Variants in MNS1 observed in about 807,000 individuals in gnomAD.
The protein encoded by MNS1 is meiosis-specific nuclear structural protein 1.
MNS1 carries 63 observed loss-of-function variants against 72.0 expected under a neutral mutation model. The observed-to-expected ratio is 0.87, with a 90% CI of 0.71 to 1.08. MNS1 has a LOEUF of 1.08. Ranked by LOEUF, MNS1 falls within the 50% of genes least tolerant of loss-of-function variation. The pLI, the probability that MNS1 is intolerant of heterozygous loss-of-function variation, is 0.00. For synonymous variants in MNS1, 188 were observed against 172.1 expected (o/e 1.09, Z -0.72); for missense variants, 604 against 562.4 (o/e 1.07, Z -0.75).
chr15:56,429,202 A>G lies in MNS1; in HGVS notation c.1396-9T>C. On this transcript the variant is annotated splice_polypyrimidine_tract_variant and intron_variant, in intron 9 of 9. Coordinates refer to ENST00000260453, the MANE Select transcript of MNS1 (RefSeq NM_018365.4). The stretch of plus-strand genomic sequence containing the variant: ...TCTTTTTTAAATACTCCCTACGAGA[A>G]AAATACTTTGTGGGTTACTTTTGAA... 6.4e-7 allele frequency: 1 copy of G among 1,565,270 alleles called. No homozygotes were observed. The highest frequency in any genetic ancestry group is 8.7e-7 in the Non-Finnish European group (1 of 1,149,628).
intron 8 of MNS1, among the ~76,000 whole-genome samples, chr15:56,433,685 CAAAGT>C (rs2050663140): frequency 6.6e-6 from 1 of 152,114 alleles, no homozygotes; most frequent in African/African-American, 2.4e-5. Context: ...AATCGTCTTT[CAAAGT>C]ACAGATCTTA....
At chr15:56,454,015 C>T (rs2050964466) in intron 3 of MNS1, among the ~76,000 whole-genome samples, 1 of 152,084 alleles carries the variant, frequency 6.6e-6, no homozygotes, top group Non-Finnish European at 1.5e-5. Flanking sequence ...TCCATTTCTG[C>T]ATGACAGTGA....
rs1455442200 is a variant in MNS1 at position 56,431,377 on chromosome 15, G to A, written c.1391C>T (p.Pro464Leu). The change falls in exon 9 of 10, where the codon CCT becomes CTT. Residue 464 changes from proline (P) to leucine (L), a missense_variant. Transcript: ENST00000260453. ...EHATNLLGYL[P>L]KGVFKKEDDI... ...CTTGAGATAAATCTCACTTACTTTAGGGAGATAGCCTAGTAAGTTTGTAGC... is the reference window on the plus strand; with the variant it reads ...CTTGAGATAAATCTCACTTACTTTAAGGAGATAGCCTAGTAAGTTTGTAGC... 2 of 1,610,732 alleles carry A rather than the reference G, an allele frequency of 1.2e-6. No homozygotes were observed. The highest frequency in any genetic ancestry group is 4.5e-5 in the East Asian group (2 of 44,776).
intron 7 of MNS1, among the ~76,000 whole-genome samples, chr15:56,440,680 GGAAATTATGCT>G (rs1181355427): frequency 6.6e-6 from 1 of 151,996 alleles, no homozygotes; most frequent in Admixed American, 6.6e-5. Flanking sequence ...TGAATTTCCA[GGAAATTATGCT>G]GAATAAAAAA....
intron 3 of MNS1, among the ~76,000 whole-genome samples, chr15:56,456,037 A>G (rs1224591450): frequency 6.6e-6 from 1 of 152,164 alleles, no homozygotes; most frequent in Non-Finnish European, 1.5e-5. Context: ...CTCCACAGTC[A>G]TTCCAGAAAT....
intron 7 of MNS1, among the ~76,000 whole-genome samples, chr15:56,442,458 A>G (rs1567150579): frequency 6.6e-6 from 1 of 152,208 alleles, no homozygotes; most frequent in Admixed American, 6.5e-5. Flanking sequence ...TAGCAGCACT[A>G]TTCACAATGG....
At chr15:56,445,577 GCTATA>G (rs1347133916) in intron 4 of MNS1, 1 of 151,870 alleles carries the variant, frequency 6.6e-6, no homozygotes, top group African/African-American at 2.4e-5. Flanking sequence ...CTTTGTACAT[GCTATA>G]CTAAATTCTT....
intron 9 of MNS1, chr15:56,429,649 G>A (rs568643449): frequency 6.6e-6 from 1 of 152,588 alleles, no homozygotes; most frequent in Non-Finnish European, 1.5e-5. Flanking sequence ...CAGGTTTGGA[G>A]TTAAGCCATT....
At chr15:56,447,104 C>T in intron 3 of MNS1, 161 bp from the exon 4 acceptor site, 1 of 563,212 alleles carries the variant, frequency 1.8e-6, no homozygotes, top group Admixed American at 3.1e-5. Flanking sequence ...TTAATGGATG[C>T]CTTTAGGGCA....
chr15:56,447,073 A>G, intron 3 of MNS1, 130 bp from the exon 4 acceptor site: 1 of 633,374 alleles, frequency 1.6e-6, no homozygotes, highest in East Asian at 2.8e-5. Flanking sequence ...TTAGATCCAT[A>G]GGAGAAATAA....
chr15:56,430,439 C>G (rs2050555998), intron 9 of MNS1, among the ~76,000 whole-genome samples: 1 of 152,172 alleles, frequency 6.6e-6, no homozygotes, highest in South Asian at 2.1e-4. Flanking sequence ...CTCCTGGGCT[C>G]AGGTGATCCT....
chr15:56,454,457 A>AT (rs1378234688), intron 3 of MNS1, among the ~76,000 whole-genome samples: 3 of 151,624 alleles, frequency 2.0e-5, no homozygotes, highest in Non-Finnish European at 4.4e-5. Flanking sequence ...CATTCATTCT[A>AT]TTTTTTTTGT....
chr15:56,458,307 T>C (rs1225544842), intron 2 of MNS1, among the ~76,000 whole-genome samples: 1 of 152,132 alleles, frequency 6.6e-6, no homozygotes, highest in Non-Finnish European at 1.5e-5. Context: ...GACTTTGAAG[T>C]TTTGGGTTCA....
chr15:56,455,247 GAAAA>G (rs56339584), intron 3 of MNS1, among the ~76,000 whole-genome samples: 386 of 82,880 alleles, frequency 4.7e-3, no homozygotes, highest in African/African-American at 6.6e-3. Context: ...ATCGTCAGGT[GAAAA>G]AAAAAAAAAA....
intron 3 of MNS1, among the ~76,000 whole-genome samples, chr15:56,449,567 G>A (rs77350301): frequency 0.029 from 4,418 of 152,174 alleles, 240 homozygotes; most frequent in African/African-American, 0.1. Context: ...TTCTCATATC[G>A]TATTCAGGTA....
rs1182503281 is a variant in MNS1 at position 56,464,369 on chromosome 15, A to G, written c.4-122T>C. On this transcript the variant is annotated intron_variant, in intron 1 of 9. Transcript: ENST00000260453. ...GAGCCTGGCTTCCTTCCTAAATTCA[A>G]AGGAGTATACCGAATAAAAAGTAAA... 7.0e-6 allele frequency: 5 copies of G among 712,518 alleles called. No individual in the cohort carries two copies. The African/African-American group carries it at 9.0e-5, about 13-fold the overall frequency. The allele number at this position is 712,518 out of a possible 1,614,324, so 44.1% of individuals were successfully genotyped here.
At chr15:56,439,751 TAA>T (rs374476223) in intron 7 of MNS1, among the ~76,000 whole-genome samples, 32 of 82,536 alleles carry the variant, frequency 3.9e-4, no homozygotes, top group African/African-American at 1.3e-3. Flanking sequence ...TGGAAAAGCA[TAA>T]AAAAAAAAAA....
At chr15:56,463,878 C>T in intron 2 of MNS1, 148 bp downstream of exon 2, 1 of 649,004 alleles carries the variant, frequency 1.5e-6, no homozygotes, top group South Asian at 2.0e-5. Context: ...AAACCCAGGT[C>T]TTTACGATTA....
At chr15:56,438,785 A>G (rs977452625) in intron 7 of MNS1, among the ~76,000 whole-genome samples, 1 of 152,162 alleles carries the variant, frequency 6.6e-6, no homozygotes, top group African/African-American at 2.4e-5. Flanking sequence ...AAAGAACTCA[A>G]ATTTACAAGA....
Sources: allele counts gnomAD v4.1 joint callset (sites outside exome capture counted in the v4.1 genomes callset), GRCh38; gene constraint gnomAD v4.1.1; transcripts MANE v1.5; gene names NCBI Gene and HGNC (gene_info 2026-07-23, HGNC 2026-07-21).